GPC3: variants seen among roughly 807,000 people sequenced by gnomAD.
The protein encoded by GPC3 is glypican-3.
GPC3 carries 3 observed loss-of-function variants against 34.4 expected under a neutral mutation model. The ratio of observed to expected loss-of-function variants is 0.09; its 90% confidence interval spans 0.04 to 0.23. The LOEUF (loss-of-function observed/expected upper bound fraction) is 0.23. Ranked by LOEUF, GPC3 falls within the 10% of genes least tolerant of loss-of-function variation. The pLI is 1.00. For synonymous variants in GPC3, 177 were observed against 174.0 expected (o/e 1.02, Z -0.13); for missense variants, 351 against 445.6 (o/e 0.79, Z 1.91).
intron 2 of GPC3, among the ~76,000 whole-genome samples, chrX:133,868,398 A>G (rs1356856952): frequency 8.9e-6 from 1 of 112,091 alleles, no homozygotes; most frequent in Non-Finnish European, 1.9e-5. Context: ...TGTGGAATCA[A>G]TGCAGAAAAT....
chrX:133,561,854 G>C (rs1299311991), intron 7 of GPC3, among the ~76,000 whole-genome samples: 1 of 112,210 alleles, frequency 8.9e-6, no homozygotes, highest in Non-Finnish European at 1.9e-5. Flanking sequence ...AATCAGTTCT[G>C]TAGTTTTAGT....
intron 2 of GPC3, among the ~76,000 whole-genome samples, chrX:133,754,469 C>T (rs770664513): frequency 8.9e-6 from 1 of 112,028 alleles, no homozygotes; most frequent in Non-Finnish European, 1.9e-5. Context: ...AACATTTCGG[C>T]CTTTCATGAA....
intron 1 of GPC3, among the ~76,000 whole-genome samples, chrX:133,972,796 T>C (rs1009162502): frequency 1.8e-5 from 2 of 111,454 alleles, no homozygotes; most frequent in Admixed American, 9.5e-5. Context: ...AGAGATACCA[T>C]CACCAGAAAT....
Position 133,702,759 on chromosome X carries a change from G to A in GPC3, c.1033-2731C>T, listed in dbSNP as rs12006746. Among the ~76,000 whole-genome samples, 519 of 111,514 alleles carry A rather than the reference G, an allele frequency of 4.7e-3. 1 individual carries two copies. Among genetic ancestry groups the A allele is most frequent in the African/African-American group, 0.016 (494 of 30,666 alleles). On this transcript the variant is annotated intron_variant, in intron 3 of 7. Transcript: ENST00000370818. The stretch of plus-strand genomic sequence containing the variant: ...TCCAAGGCTCTGTGTGGGGTAAGGC[G>A]CAAACAATGGTGTCCTGCCAATAAC...
chrX:133,760,692 T>G lies in GPC3; in HGVS notation c.338-6516A>C, dbSNP rs751524826. Among the ~76,000 whole-genome samples, 11 of 111,606 alleles carry G rather than the reference T, an allele frequency of 9.9e-5. No homozygotes were observed. The South Asian group carries it at 4.2e-3, about 42-fold the overall frequency. ...GGTGAAACTATACTGTATGATACTG[T>G]AATGAAAGATACAAGACATTATGCA... is the stretch of plus-strand genomic sequence containing the variant. On this transcript the variant is annotated intron_variant, in intron 2 of 7. Transcript: ENST00000370818.
chrX:133,612,937 T>C (rs2070126038), intron 6 of GPC3, among the ~76,000 whole-genome samples: 2 of 112,111 alleles, frequency 1.8e-5, no homozygotes, highest in South Asian at 7.6e-4. Context: ...GTGGAAATTA[T>C]AGAGACTGGG....
At chrX:133,564,457 C>G (rs1389903831) in intron 7 of GPC3, among the ~76,000 whole-genome samples, 3 of 111,201 alleles carry the variant, frequency 2.7e-5, no homozygotes, top group Non-Finnish European at 5.6e-5. Context: ...TGGTCATGAG[C>G]AAGTCAGAGA....
chrX:133,596,255 G>C, intron 7 of GPC3, 185 bp downstream of exon 7: 1 of 462,993 alleles, frequency 2.2e-6, no homozygotes. Flanking sequence ...GAAATGGTGG[G>C]AGGAAAAGAA....
intron 2 of GPC3, among the ~76,000 whole-genome samples, chrX:133,943,771 T>C (rs1208659671): frequency 9.0e-6 from 1 of 111,680 alleles, no homozygotes; most frequent in Non-Finnish European, 1.9e-5. Flanking sequence ...CACTGAATCT[T>C]GTTCACAGTG....
intron 2 of GPC3, among the ~76,000 whole-genome samples, chrX:133,858,714 G>A (rs1229156256): frequency 9.0e-6 from 1 of 111,727 alleles, no homozygotes; most frequent in East Asian, 2.8e-4. Context: ...ATTTGGTTTG[G>A]GTTGGGGGGT....
intron 6 of GPC3, among the ~76,000 whole-genome samples, chrX:133,658,279 A>C (rs1171134744): frequency 8.9e-6 from 1 of 112,323 alleles, no homozygotes; most frequent in Non-Finnish European, 1.9e-5. Context: ...AAAAGGACAA[A>C]CATTATTTAT....
At chrX:133,887,462 T>C (rs772214554) in intron 2 of GPC3, among the ~76,000 whole-genome samples, 1 of 112,298 alleles carries the variant, frequency 8.9e-6, no homozygotes, top group Admixed American at 9.5e-5. Context: ...TGGCCATTTG[T>C]ATGTCTTCTT....
intron 2 of GPC3, among the ~76,000 whole-genome samples, chrX:133,782,235 C>T (rs146613375): frequency 0.014 from 1,558 of 111,956 alleles, 28 homozygotes; most frequent in African/African-American, 0.047. Context: ...TGCAAACTCA[C>T]ATTCTCTGCT....
chrX:133,984,436 C>T (rs1221903120), intron 1 of GPC3, among the ~76,000 whole-genome samples: 2 of 112,308 alleles, frequency 1.8e-5, no homozygotes, highest in Non-Finnish European at 3.8e-5. Flanking sequence ...CGGCAGCCCT[C>T]GGCTGATGTT....
intron 5 of GPC3, among the ~76,000 whole-genome samples, chrX:133,691,135 A>C (rs1429916888): frequency 1.8e-5 from 2 of 111,884 alleles, no homozygotes; most frequent in African/African-American, 6.5e-5. Context: ...AAATGAATAT[A>C]ATGAATATAT....
At chrX:133,666,268 C>A (rs1244149252) in intron 5 of GPC3, among the ~76,000 whole-genome samples, 1 of 111,873 alleles carries the variant, frequency 8.9e-6, no homozygotes, top group Non-Finnish European at 1.9e-5. Flanking sequence ...CACAGTGACT[C>A]CATTTTTAAA....
chrX:133,916,234 CATA>C (rs2076224391), intron 2 of GPC3, among the ~76,000 whole-genome samples: 1 of 109,917 alleles, frequency 9.1e-6, no homozygotes, highest in South Asian at 3.9e-4. Flanking sequence ...TTGGCATCCA[CATA>C]ATAATACGGA....
At chrX:133,538,005 A>G (rs1413157569) in intron 7 of GPC3, among the ~76,000 whole-genome samples, 2 of 111,571 alleles carry the variant, frequency 1.8e-5, no homozygotes, top group Non-Finnish European at 3.8e-5. Context: ...ATCTGGTTAC[A>G]TTTTACTCAT....
At chrX:133,780,950 ATTTAC>A (rs1212476592) in intron 2 of GPC3, among the ~76,000 whole-genome samples, 1 of 111,461 alleles carries the variant, frequency 9.0e-6, no homozygotes, top group African/African-American at 3.3e-5. Context: ...TATTCCAAAT[ATTTAC>A]TTTATTTTTC....
Sources: gnomAD v4.1 joint callset for allele counts (sites outside exome capture counted in the v4.1 genomes callset) on GRCh38, gnomAD v4.1.1 for gene constraint, MANE v1.5 for transcripts, NCBI Gene and HGNC (gene_info 2026-07-23, HGNC 2026-07-21) for gene names.